ATP6V1H: variants seen among roughly 807,000 people sequenced by gnomAD.
ATP6V1H encodes the protein ATPase H+ transporting V1 subunit H.
Under a neutral mutation model 71.7 loss-of-function variants are expected in ATP6V1H, and 39 were observed. That is an observed-to-expected ratio of 0.54 (90% CI 0.42 to 0.71). ATP6V1H has a LOEUF of 0.71. ATP6V1H is among the 30% of genes least tolerant of loss of function. The pLI is 0.00. For synonymous variants in ATP6V1H, 192 were observed against 199.3 expected (o/e 0.96, Z 0.31); for missense variants, 509 against 594.9 (o/e 0.86, Z 1.50).
chr8:53,761,791 G>A (rs955306781), intron 11 of ATP6V1H, among the ~76,000 whole-genome samples: 6 of 152,188 alleles, frequency 3.9e-5, no homozygotes, highest in African/African-American at 1.4e-4. Context: ...AGATAGGTGG[G>A]CCTAAAAATG....
chr8:53,807,131 C>CT (rs1184172255), intron 7 of ATP6V1H, among the ~76,000 whole-genome samples: 2 of 152,166 alleles, frequency 1.3e-5, no homozygotes, highest in East Asian at 3.8e-4. Context: ...TTTTGATGGA[C>CT]TTATAATCAA....
chr8:53,720,685 T>C (rs1443239874), intron 13 of ATP6V1H, among the ~76,000 whole-genome samples: 1 of 152,218 alleles, frequency 6.6e-6, no homozygotes, highest in East Asian at 1.9e-4. Flanking sequence ...CCTATATAAC[T>C]TGACACATGG....
chr8:53,801,971 G>T, intron 7 of ATP6V1H, 75 bp from the exon 8 acceptor site: 1 of 1,320,206 alleles, frequency 7.6e-7, no homozygotes, highest in Non-Finnish European at 1.1e-6. Flanking sequence ...ATTTCTAAAT[G>T]AAAAGTCAGA....
chr8:53,816,356 A>G (rs904063155), intron 5 of ATP6V1H, among the ~76,000 whole-genome samples: 1 of 152,230 alleles, frequency 6.6e-6, no homozygotes, highest in Non-Finnish European at 1.5e-5. Context: ...CATGCCCCCA[A>G]CAGCTCCTGC....
At chr8:53,823,020 G>A (rs1379494093) in intron 4 of ATP6V1H, among the ~76,000 whole-genome samples, 2 of 151,906 alleles carry the variant, frequency 1.3e-5, no homozygotes, top group African/African-American at 4.8e-5. Flanking sequence ...AGTAAAAAAT[G>A]CATTTATAAG....
chr8:53,802,823 T>C (rs768929779), intron 7 of ATP6V1H, among the ~76,000 whole-genome samples: 1 of 152,186 alleles, frequency 6.6e-6, no homozygotes, highest in Non-Finnish European at 1.5e-5. Context: ...CCATATGGCA[T>C]ATAAAAAGTC....
intron 11 of ATP6V1H, among the ~76,000 whole-genome samples, chr8:53,769,268 C>T (rs749848492): frequency 1.2e-4 from 19 of 152,098 alleles, no homozygotes; most frequent in Non-Finnish European, 1.9e-4. Context: ...TGACCTACAT[C>T]GAAATTTAGA....
intron 9 of ATP6V1H, among the ~76,000 whole-genome samples, chr8:53,776,134 G>A (rs1808879212): frequency 1.3e-5 from 2 of 152,238 alleles, no homozygotes; most frequent in Non-Finnish European, 2.9e-5. Flanking sequence ...CGCAGCAGCT[G>A]GCCCGGGTGC....
At position 53,829,464 on chromosome 8, in the gene ATP6V1H, T is replaced by A; in HGVS notation, c.286A>T (p.Met96Leu). The change falls in exon 4 of 14, where the codon ATG becomes TTG. Residue 96 changes from methionine to leucine, a missense_variant. Coordinates refer to ENST00000359530, the MANE Select transcript of ATP6V1H (RefSeq NM_015941.4). ...KEQTVQYILTMVDDMLQENHQ... is the reference protein window; with the variant it reads ...KEQTVQYILTLVDDMLQENHQ... Reference sequence around the variant, plus strand: ...CCTACCTGCAGCATATCATCCACCATAGTTAGTATATACTGAACGGTCTGT... The same window carrying A: ...CCTACCTGCAGCATATCATCCACCAAAGTTAGTATATACTGAACGGTCTGT... 1 of 1,604,780 alleles carries A rather than the reference T, an allele frequency of 6.2e-7. No individual in the cohort carries two copies. The highest frequency in any genetic ancestry group is 8.5e-7 in the Non-Finnish European group (1 of 1,175,546).
chr8:53,794,406 C>A (rs978269408), intron 9 of ATP6V1H, among the ~76,000 whole-genome samples: 1 of 152,120 alleles, frequency 6.6e-6, no homozygotes, highest in Non-Finnish European at 1.5e-5. Context: ...CACTCTGTCG[C>A]CCAGGCTGGA....
At chr8:53,806,399 T>C (rs1436639904) in intron 7 of ATP6V1H, among the ~76,000 whole-genome samples, 16 of 152,008 alleles carry the variant, frequency 1.1e-4, no homozygotes, top group Admixed American at 1.0e-3. Flanking sequence ...TTAAAAGAGA[T>C]CCTCTAGTCA....
Position 53,744,449 on chromosome 8 carries a change from G to A in ATP6V1H, c.1278-759C>T, listed in dbSNP as rs73682562. 2.6e-3 allele frequency among the ~76,000 whole-genome samples: 403 copies of A among 152,300 alleles called. 1 individual carries two copies. The highest frequency in any genetic ancestry group is 9.1e-3 in the African/African-American group (377 of 41,568). ...AGGTGTGGTTACAGACAGAGCTGTG[G>A]AGTCTCAGCTTCCACACAACAGTGT... is the stretch of plus-strand genomic sequence containing the variant. On this transcript the variant is annotated intron_variant, in intron 12 of 13. Transcript: ENST00000359530.
chr8:53,717,523 T>C (rs1806467607), intron 13 of ATP6V1H, among the ~76,000 whole-genome samples: 1 of 152,254 alleles, frequency 6.6e-6, no homozygotes, highest in South Asian at 2.1e-4. Context: ...TTTAATATTC[T>C]TGTGCTACCA....
chr8:53,804,434 G>A (rs1585806282), intron 7 of ATP6V1H, among the ~76,000 whole-genome samples: 4 of 152,140 alleles, frequency 2.6e-5, no homozygotes, highest in South Asian at 2.1e-4. Flanking sequence ...CAGCACTTTC[G>A]GAGGCCGAGG....
intron 10 of ATP6V1H, among the ~76,000 whole-genome samples, chr8:53,770,744 A>G (rs867589673): frequency 6.6e-6 from 1 of 152,226 alleles, no homozygotes; most frequent in Non-Finnish European, 1.5e-5. Context: ...ATTAGCTAAA[A>G]TTGATTAAAT....
At chr8:53,764,700 A>G (rs993279096) in intron 11 of ATP6V1H, among the ~76,000 whole-genome samples, 2 of 152,176 alleles carry the variant, frequency 1.3e-5, no homozygotes, top group African/African-American at 4.8e-5. Context: ...ACAAAAAAGG[A>G]AATAAAAGAA....
At chr8:53,723,051 A>G (rs1305257721) in intron 13 of ATP6V1H, among the ~76,000 whole-genome samples, 1 of 152,244 alleles carries the variant, frequency 6.6e-6, no homozygotes, top group Admixed American at 6.5e-5. Flanking sequence ...AAAAACTAAA[A>G]CAAACCACAA....
At chr8:53,758,695 A>G (rs1808157040) in intron 11 of ATP6V1H, among the ~76,000 whole-genome samples, 1 of 152,210 alleles carries the variant, frequency 6.6e-6, no homozygotes, top group African/African-American at 2.4e-5. Flanking sequence ...TCTTATTTTC[A>G]GAATTTCGTT....
Position 53,767,140 on chromosome 8 carries a change from A to G in ATP6V1H, c.1175+2478T>C, listed in dbSNP as rs547579265. The stretch of plus-strand genomic sequence containing the variant: ...CCCTTTATTTCTCAAGCCAGCTGAC[A>G]CTTAGGAAAATAGAAAAGAACCTAC... On this transcript the variant is annotated intron_variant, in intron 11 of 13. Coordinates refer to ENST00000359530, the MANE Select transcript of ATP6V1H (RefSeq NM_015941.4). Among the ~76,000 whole-genome samples the G allele has an allele frequency of 2.2e-3, 336 of 152,318 alleles. 2 individuals carry two copies. The highest frequency in any genetic ancestry group is 7.8e-3 in the African/African-American group (325 of 41,562).
Sources: allele counts gnomAD v4.1 joint callset (sites outside exome capture counted in the v4.1 genomes callset), GRCh38; gene constraint gnomAD v4.1.1; transcripts MANE v1.5; gene names NCBI Gene and HGNC (gene_info 2026-07-23, HGNC 2026-07-21).